Variants in ZFYVE9 observed in about 807,000 individuals in gnomAD.
ZFYVE9 encodes the protein zinc finger FYVE-type containing 9, also known as zinc finger FYVE domain-containing protein 9.
In ZFYVE9, 43 loss-of-function variants were observed where a neutral mutation model predicts 126.7. The ratio of observed to expected loss-of-function variants is 0.34; its 90% CI spans 0.27 to 0.44. The LOEUF (loss-of-function observed/expected upper bound fraction) is 0.44. ZFYVE9 is among the 20% of genes least tolerant of loss of function. ZFYVE9 has a pLI of 1.00. For missense variants in ZFYVE9, 1,476 were observed against 1,697.0 expected, an observed-to-expected ratio of 0.87 and a Z score of 2.29; for synonymous variants, 521 against 597.4, an observed-to-expected ratio of 0.87 and a Z score of 1.87.
intron 10 of ZFYVE9, among the ~76,000 whole-genome samples, chr1:52,282,332 G>A (rs1338742616): frequency 6.6e-6 from 1 of 152,128 alleles, no homozygotes; most frequent in African/African-American, 2.4e-5. Context: ...CTAAGATTGA[G>A]AGAAAAGAAA....
chr1:52,334,728 ATCCTCT>A lies in ZFYVE9; in HGVS notation c.3633_3638del (p.Ser1212_Ser1213del), dbSNP rs1184730650. On this transcript the variant is annotated inframe_deletion, in exon 15 of 19. Coordinates refer to ENST00000287727, the MANE Select transcript of ZFYVE9 (RefSeq NM_004799.4). ...TCTTTGTGTTCAGTGGCGCTCTGAA[ATCCTCT>A]TCTGGATACCTTGCCAAGTCCAGTA... The A allele has an allele frequency of 6.2e-7, 1 of 1,613,834 alleles. No homozygotes were observed. Among genetic ancestry groups the A allele is most frequent in the Admixed American group, 1.7e-5 (1 of 59,992 alleles).
intron 18 of ZFYVE9, 167 bp from the exon 19 acceptor site, chr1:52,345,893 A>G (rs1373153062): frequency 3.2e-6 from 2 of 633,080 alleles, no homozygotes; most frequent in Middle Eastern, 4.8e-4. Context: ...GGAGTAAACA[A>G]CAGGATAAGT....
At chr1:52,249,878 G>A (rs1388796477) in intron 4 of ZFYVE9, among the ~76,000 whole-genome samples, 11 of 152,146 alleles carry the variant, frequency 7.2e-5, no homozygotes, top group Admixed American at 6.6e-4. Flanking sequence ...AGACTGTTCT[G>A]TTCCTATGGA....
chr1:52,321,769 T>A (rs1646242402), intron 13 of ZFYVE9, among the ~76,000 whole-genome samples: 1 of 152,196 alleles, frequency 6.6e-6, no homozygotes, highest in Non-Finnish European at 1.5e-5. Context: ...CACAAGAAGT[T>A]CTGGACTCCT....
At chr1:52,229,041 A>AATTTTT (rs1265462621) in intron 2 of ZFYVE9, among the ~76,000 whole-genome samples, 2 of 151,824 alleles carry the variant, frequency 1.3e-5, no homozygotes, top group African/African-American at 4.8e-5. Flanking sequence ...ACACCTGGCT[A>AATTTTT]ATTTTTATTT....
chr1:52,240,470 A>G (rs1016344384), intron 4 of ZFYVE9, among the ~76,000 whole-genome samples: 1 of 152,008 alleles, frequency 6.6e-6, no homozygotes, highest in Admixed American at 6.6e-5. Context: ...ATTAATCTCT[A>G]CCTCCCTTCT....
At chr1:52,281,598 C>CT (rs1438365135) in intron 9 of ZFYVE9, 63 bp from the exon 10 acceptor site, 56 of 1,569,834 alleles carry the variant, frequency 3.6e-5, no homozygotes, top group Non-Finnish European at 4.4e-5. Flanking sequence ...TTCTGTGCAT[C>CT]TTTTTTTAAG....
In ZFYVE9 at chr1:52,293,540, C is replaced by G. The variant is rs192873630; in HGVS notation, c.3113C>G (p.Ser1038Cys). 3.1e-6 allele frequency: 5 copies of G among 1,614,092 alleles called. No individual in the cohort carries two copies. The highest frequency in any genetic ancestry group is 1.7e-5 in the Admixed American group (1 of 60,008). ...KEHGGFLYVT[S>C]TYQSLQDLVL... ...CATGGTGGATTCTTATATGTGACAT[C>G]TACCTACCAGTCACTGCAAGACCTA... Residue 1038 changes from serine to cysteine, a missense_variant, in exon 11 of 19, where the codon TCT (serine) becomes TGT (cysteine). By Grantham distance (112) the Ser-to-Cys change is moderately radical (BLOSUM62 -1). This residue lies in a region of ZFYVE9 where 669 missense variants were observed against 902.4 expected (regional missense o/e 0.74). Transcript: ENST00000287727.
At chr1:52,227,954 T>A (rs1190805466) in intron 2 of ZFYVE9, among the ~76,000 whole-genome samples, 1 of 152,238 alleles carries the variant, frequency 6.6e-6, no homozygotes, top group Non-Finnish European at 1.5e-5. Context: ...CTAGTTTTGA[T>A]ACTCCTATGG....
intron 1 of ZFYVE9, among the ~76,000 whole-genome samples, chr1:52,155,246 T>C (rs978713436): frequency 2.0e-5 from 3 of 148,864 alleles, no homozygotes; most frequent in Non-Finnish European, 4.5e-5. Context: ...TTTTTTTTTT[T>C]TTTTTTTGAG....
intron 1 of ZFYVE9, among the ~76,000 whole-genome samples, chr1:52,152,332 C>T (rs1019652209): frequency 6.6e-6 from 1 of 152,058 alleles, no homozygotes; most frequent in Non-Finnish European, 1.5e-5. Context: ...CTTTTTTCCA[C>T]GTAGGCCTTA....
At chr1:52,268,199 A>T (rs145330399) in intron 6 of ZFYVE9, among the ~76,000 whole-genome samples, 16 of 152,346 alleles carry the variant, frequency 1.1e-4, no homozygotes, top group Middle Eastern at 6.8e-3. Flanking sequence ...ATAATCATAG[A>T]TGTATTTAAG....
At chr1:52,316,052 C>T (rs2147854171) in intron 13 of ZFYVE9, among the ~76,000 whole-genome samples, 1 of 148,116 alleles carries the variant, frequency 6.8e-6, no homozygotes, top group South Asian at 2.2e-4. Context: ...GTAGTCCCAC[C>T]TACTCGGGAG....
chr1:52,313,403 C>T (rs1646155863), intron 13 of ZFYVE9, among the ~76,000 whole-genome samples: 1 of 152,144 alleles, frequency 6.6e-6, no homozygotes, highest in African/African-American at 2.4e-5. Flanking sequence ...AGAGGTCTCC[C>T]TGACTTGAGG....
chr1:52,243,976 A>ATGGT (rs1304948895), intron 4 of ZFYVE9, among the ~76,000 whole-genome samples: 1 of 152,086 alleles, frequency 6.6e-6, no homozygotes, highest in Non-Finnish European at 1.5e-5. Flanking sequence ...CCAGGAAAAT[A>ATGGT]TGGTCTCTTG....
chr1:52,278,068 C>G (rs921091890), intron 8 of ZFYVE9, among the ~76,000 whole-genome samples: 2 of 152,160 alleles, frequency 1.3e-5, no homozygotes, highest in South Asian at 2.1e-4. Context: ...GGGCTCTCTT[C>G]TACCCCAACT....
In ZFYVE9 at chr1:52,322,698, TATC is replaced by T. The variant is rs776064016; in HGVS notation, c.3439-10067_3439-10065del. Among the ~76,000 whole-genome samples, 10 of 151,378 alleles carry T rather than the reference TATC, an allele frequency of 6.6e-5. 1 individual carries two copies. Among genetic ancestry groups the T allele is most frequent in the Non-Finnish European group, 1.0e-4 (7 of 67,838 alleles). Reference sequence around the variant, plus strand: ...GCCTGGTCCTTTCAAAACTAAGTCATATCATATCACTCCTCTGCTTAAAACCTT... The same window carrying T: ...GCCTGGTCCTTTCAAAACTAAGTCATATATCACTCCTCTGCTTAAAACCTT... On this transcript the variant is annotated intron_variant, in intron 13 of 18. Transcript: ENST00000287727.
At chr1:52,148,289 A>G (rs1306403334) in intron 1 of ZFYVE9, among the ~76,000 whole-genome samples, 1 of 151,958 alleles carries the variant, frequency 6.6e-6, no homozygotes, top group Non-Finnish European at 1.5e-5. Flanking sequence ...AGCCTGGCCA[A>G]TATGGTGAAA....
chr1:52,195,566 A>T (rs1008954887), intron 1 of ZFYVE9, among the ~76,000 whole-genome samples: 1 of 152,204 alleles, frequency 6.6e-6, no homozygotes, highest in Non-Finnish European at 1.5e-5. Flanking sequence ...TTAGGATTGT[A>T]AAGAAAAGTA....
Sources: gnomAD v4.1 joint callset for allele counts (sites outside exome capture counted in the v4.1 genomes callset) on GRCh38, gnomAD v4.1.1 for gene constraint, gnomAD v4.1.1 regional missense constraint, MANE v1.5 for transcripts, NCBI Gene and HGNC (gene_info 2026-07-23, HGNC 2026-07-21) for gene names.